MAPK12: variants seen among roughly 807,000 people sequenced by gnomAD.
The protein encoded by MAPK12 is MAP kinase 12.
A neutral mutation model predicts 49.1 loss-of-function variants in MAPK12; 49 were observed. That is an observed-to-expected ratio of 1.00 (90% confidence interval 0.79 to 1.27). The LOEUF is 1.27. MAPK12 is among the 50% of genes most tolerant of loss of function. MAPK12 has a pLI of 0.00. For missense variants in MAPK12, 554 were observed against 502.4 expected (o/e 1.10, Z -0.98); for synonymous variants, 251 against 209.7 (o/e 1.20, Z -1.70).
At position 50,261,518 on chromosome 22, in the gene MAPK12, C is replaced by A. The variant is rs1245808050; in HGVS notation, c.-9G>T. 8.7e-7 allele frequency: 1 copy of A among 1,154,518 alleles called. No homozygotes were observed. Among genetic ancestry groups the A allele is most frequent in the Non-Finnish European group, 1.1e-6 (1 of 922,456 alleles). The allele number at this position is 1,154,518 out of a possible 1,614,324, so 71.5% of individuals were successfully genotyped here. A position where few individuals can be genotyped will look rare whatever the true frequency, so the allele number is the denominator to read the frequency against. ...GGCGGCGGAGAGCTCATGGCAGGCC[C>A]GGGAGCTGCCCACCCCGCAGAGCCT... On this transcript the variant is annotated 5_prime_UTR_variant, in exon 1 of 12. Transcript: ENST00000215659.
rs2065152956 is a variant in MAPK12, at chr22:50,256,620, C to T, written c.483G>A (p.Val161=). The T allele has an allele frequency of 6.2e-7, 1 of 1,611,934 alleles. No homozygotes were observed. The highest frequency in any genetic ancestry group is 1.3e-5 in the African/African-American group (1 of 75,048). ...HRDLKPGNLA[V]NEDCELKILD... ...ACACCTTCAGCTCACAGTCTTCGTT[C>T]ACAGCCAGGTTGCCGGGCTTCAGGT... Residue 161 remains valine (V), a synonymous_variant, in exon 6 of 12, where the codon GTG becomes GTA. Transcript: ENST00000215659.
intron 2 of MAPK12, among the ~76,000 whole-genome samples, chr22:50,258,674 C>T (rs979685067): frequency 2.0e-5 from 3 of 152,250 alleles, no homozygotes; most frequent in Admixed American, 6.5e-5. Flanking sequence ...GTGGGGACAG[C>T]GCTATGGAAA....
In MAPK12 at chr22:50,253,007, G is replaced by A. The variant is rs528492513; in HGVS notation, c.*394C>T. 4 of 302,372 alleles carry A rather than the reference G, an allele frequency of 1.3e-5. No homozygotes were observed. Among genetic ancestry groups the A allele is most frequent in the East Asian group, 9.1e-5 (1 of 10,942 alleles). The allele number at this position is 302,372 out of a possible 1,614,324, so 18.7% of individuals were successfully genotyped here. A position where few individuals can be genotyped will look rare whatever the true frequency, so the allele number is the denominator to read the frequency against. On this transcript the variant is annotated 3_prime_UTR_variant, in exon 12 of 12. Transcript: ENST00000215659. ...GAAGGTCCACTGACGTCGCCCAGGA[G>A]AGGGGATGTCCCTGAGTTGGTGCCC...
intron 3 of MAPK12, chr22:50,257,795 G>C (rs896980799): frequency 1.4e-6 from 1 of 711,240 alleles, no homozygotes; most frequent in African/African-American, 1.8e-5. Flanking sequence ...CTTCACTCTT[G>C]GCCGACAGGG....
chr22:50,256,173 C>G lies in MAPK12; in HGVS notation c.531G>C (p.Gln177His). Residue 177 changes from glutamine (Q) to histidine (H), a missense_variant, in exon 7 of 12, where the codon CAG becomes CAC. Gln to His is a conservative substitution (Grantham distance 24). Transcript: ENST00000215659. ...LKILDFGLAR[Q>H]ADSEMTGYVV... Reference sequence around the variant, plus strand: ...CGTACCCAGTCATCTCACTGTCTGCCTGCCTGGCCAGGCCGAAGTCCAGGA... The same window carrying G: ...CGTACCCAGTCATCTCACTGTCTGCGTGCCTGGCCAGGCCGAAGTCCAGGA... 4.3e-6 allele frequency: 7 copies of G among 1,612,742 alleles called. No homozygotes were observed. The highest frequency in any genetic ancestry group is 5.9e-6 in the Non-Finnish European group (7 of 1,179,906).
At position 50,258,933 on chromosome 22, in the gene MAPK12, G is replaced by A. The variant is rs528781342; in HGVS notation, c.256-632C>T. ...CACACAGAGTGGCCGAGGCAGGAGG[G>A]AGCACACTTGGATAGTTTGAAGAAT... is the stretch of plus-strand genomic sequence containing the variant. On this transcript the variant is annotated intron_variant, in intron 2 of 11. Coordinates refer to ENST00000215659, the MANE Select transcript of MAPK12 (RefSeq NM_002969.6). Among the ~76,000 whole-genome samples the A allele has an allele frequency of 5.9e-5, 9 of 152,336 alleles. No homozygotes were observed. In the East Asian group the frequency reaches 1.5e-3, roughly 26 times the overall value.
chr22:50,260,845 G>A (rs2065204707), intron 2 of MAPK12: 1 of 215,846 alleles, frequency 4.6e-6, no homozygotes, highest in Non-Finnish European at 9.2e-6. Flanking sequence ...CTTCCTGGCT[G>A]GGGGCAAGGC....
chr22:50,253,901 CG>C (rs1359653302), intron 11 of MAPK12: 8 of 198,010 alleles, frequency 4.0e-5, no homozygotes, highest in South Asian at 7.7e-5. Flanking sequence ...GACCCGTGGT[CG>C]TAAGGAGCAC....
At chr22:50,260,981 T>A (rs1202892256) in intron 2 of MAPK12, 186 bp downstream of exon 2, 1 of 628,328 alleles carries the variant, frequency 1.6e-6, no homozygotes, top group Non-Finnish European at 2.5e-6. Context: ...GGAACGGCCC[T>A]TGGGGGAGTC....
chr22:50,255,575 T>TG, intron 9 of MAPK12, 40 bp downstream of exon 9: 2 of 1,611,488 alleles, frequency 1.2e-6, no homozygotes, highest in Non-Finnish European at 1.7e-6. Context: ...AAGGCCCAGG[T>TG]CCGCCCCCAC....
At position 50,253,410 on chromosome 22, in the gene MAPK12, C is replaced by T. The variant is rs540483031; in HGVS notation, c.1095G>A (p.Thr365=). 6.5e-6 allele frequency: 10 copies of T among 1,545,220 alleles called. No individual in the cohort carries two copies. Among genetic ancestry groups the T allele is most frequent in the South Asian group, 2.4e-5 (2 of 84,034 alleles). The change falls in exon 12 of 12, where the codon ACG becomes ACA. Residue 365 remains threonine, a synonymous_variant. Transcript: ENST00000215659. ...CGGAGCCCAGAGATCTTCACAGAGG[C>T]GTCTCCTTGGAGACCCTGGCCCCCA... ...RQLGARVSKE[T]PL is the part of the protein sequence containing the mutation.
chr22:50,260,403 G>A (rs2065199091), intron 2 of MAPK12, among the ~76,000 whole-genome samples: 1 of 152,098 alleles, frequency 6.6e-6, no homozygotes, highest in Non-Finnish European at 1.5e-5. Flanking sequence ...GAGGGCAGGA[G>A]TGACGTGGGG....
In MAPK12 at chr22:50,258,296, G is replaced by C. The variant is rs143795417; in HGVS notation, c.261C>G (p.Ile87Met). The change falls in exon 3 of 12, where the codon ATC becomes ATG. Residue 87 changes from isoleucine (I) to methionine (M), a missense_variant. Ile to Met is a conservative substitution (Grantham distance 10). Transcript: ENST00000215659. ...CAGGAGTGAATACGTCCAGCAGCCCGATCACCTGGGGGGGCCACATAGGGT... is the reference window on the plus strand; with the variant it reads ...CAGGAGTGAATACGTCCAGCAGCCCCATCACCTGGGGGGGCCACATAGGGT... ...LLKHMRHENV[I>M]GLLDVFTPDE... is the part of the protein sequence containing the mutation. 21 of 1,612,824 alleles carry C rather than the reference G, an allele frequency of 1.3e-5. No individual in the cohort carries two copies. The Admixed American group carries it at 2.2e-4, about 17-fold the overall frequency.
intron 11 of MAPK12, chr22:50,253,977 G>T: frequency 6.1e-6 from 1 of 162,818 alleles, no homozygotes; most frequent in Non-Finnish European, 1.4e-5. Flanking sequence ...CGCACCCGAG[G>T]CAGAGCCAGG....
At chr22:50,261,135 G>A (rs1160692110) in intron 2 of MAPK12, 32 bp downstream of exon 2, 1 of 1,549,020 alleles carries the variant, frequency 6.5e-7, no homozygotes, top group South Asian at 1.2e-5. Context: ...CGAGGCCGCG[G>A]CGCCTTCCCG....
intron 2 of MAPK12, chr22:50,260,848 G>A (rs1011689738): frequency 1.4e-5 from 3 of 221,872 alleles, no homozygotes; most frequent in African/African-American, 2.3e-5. Context: ...CCTGGCTGGG[G>A]GCAAGGCTTG....
chr22:50,259,183 C>G (rs896382575), intron 2 of MAPK12, among the ~76,000 whole-genome samples: 2 of 152,096 alleles, frequency 1.3e-5, no homozygotes, highest in Non-Finnish European at 2.9e-5. Context: ...ACAGCTCCGC[C>G]GGAGCCACGT....
rs1569141485 is a variant in MAPK12, at chr22:50,255,385, GCAT to G, written c.851-18_851-16del. The G allele has an allele frequency of 6.2e-7, 1 of 1,612,858 alleles. No homozygotes were observed. The highest frequency in any genetic ancestry group is 8.5e-7 in the Non-Finnish European group (1 of 1,179,784). ...GAGGTTCACAGCTGCGGGGGAAGGT[GCAT>G]CAGGCCAGACCACGGGAGGCCCCAC... is the stretch of plus-strand genomic sequence containing the variant. On this transcript the variant is annotated splice_polypyrimidine_tract_variant and intron_variant, in intron 10 of 11. Coordinates refer to ENST00000215659, the MANE Select transcript of MAPK12 (RefSeq NM_002969.6).
chr22:50,261,057 CGG>C, intron 2 of MAPK12, 108 bp downstream of exon 2: 2 of 1,295,310 alleles, frequency 1.5e-6, no homozygotes, highest in East Asian at 3.2e-5. Context: ...GACCCCCGCC[CGG>C]CCCCACAGCA....
Sources: allele counts gnomAD v4.1 joint callset (sites outside exome capture counted in the v4.1 genomes callset), GRCh38; gene constraint gnomAD v4.1.1; transcripts MANE v1.5; gene names NCBI Gene and HGNC (gene_info 2026-07-23, HGNC 2026-07-21).